Variants in SUN5 observed in about 807,000 individuals in gnomAD.
The protein encoded by SUN5 is Sad1 and UNC84 domain containing 5, also known as SUN domain-containing protein 5.
A neutral mutation model predicts 53.7 loss-of-function variants in SUN5; 44 were observed. That is an observed-to-expected ratio of 0.82 (90% CI 0.64 to 1.05). SUN5 has a LOEUF of 1.05. Ranked by LOEUF, SUN5 falls within the 50% of genes least tolerant of loss-of-function variation. The probability of loss-of-function intolerance (pLI) is 0.00; values close to 1 mark genes in which losing one functional copy is unlikely to be tolerated. For missense variants in SUN5, 433 were observed against 483.8 expected, an observed-to-expected ratio of 0.90 and a Z score of 0.98; for synonymous variants, 166 against 179.8, an observed-to-expected ratio of 0.92 and a Z score of 0.62.
At chr20:32,985,287 C>T in intron 11 of SUN5, 102 bp from the exon 12 acceptor site, 2 of 1,015,250 alleles carry the variant, frequency 2.0e-6, no homozygotes, top group Middle Eastern at 2.1e-4. Flanking sequence ...AGGATGGGAG[C>T]TCACTACCTC....
intron 9 of SUN5, 62 bp from the exon 10 acceptor site, chr20:32,987,837 AC>A (rs1989589545): frequency 1.5e-6 from 2 of 1,356,074 alleles, no homozygotes; most frequent in Non-Finnish European, 2.1e-6. Context: ...AGGGGACGCC[AC>A]TGATGGGCCC....
Position 33,004,368 on chromosome 20 carries a change from G to C in SUN5, c.-28C>G. ...ATTTCCTTCTTTAGGATTGGGGATG[G>C]AGATGGGAACTCTGGGAGCTGGTGA... is the stretch of plus-strand genomic sequence containing the variant. On this transcript the variant is annotated 5_prime_UTR_variant, in exon 1 of 13. Coordinates refer to ENST00000356173, the MANE Select transcript of SUN5 (RefSeq NM_080675.4). 1 of 1,539,318 alleles carries C rather than the reference G, an allele frequency of 6.5e-7. No homozygotes were observed.
At chr20:32,999,804 G>A (rs1168442952) in intron 5 of SUN5, 3 of 1,055,480 alleles carry the variant, frequency 2.8e-6, no homozygotes, top group East Asian at 5.2e-5. Context: ...TGGGGGTGGT[G>A]GCTGGAAAGA....
At chr20:32,984,088 G>A in intron 12 of SUN5, 139 bp from the exon 13 acceptor site, 2 of 1,055,024 alleles carry the variant, frequency 1.9e-6, no homozygotes, top group Non-Finnish European at 2.6e-6. Flanking sequence ...CTGTCCCAAG[G>A]CCTCACAGCA....
At chr20:32,985,681 C>A in intron 11 of SUN5, 55 bp downstream of exon 11, 1 of 1,588,568 alleles carries the variant, frequency 6.3e-7, no homozygotes, top group South Asian at 1.1e-5. Flanking sequence ...TGGAATATCA[C>A]CATTGGAAGG....
chr20:32,987,404 T>C (rs1989572009), intron 10 of SUN5, among the ~76,000 whole-genome samples: 1 of 152,050 alleles, frequency 6.6e-6, no homozygotes, highest in Admixed American at 6.5e-5. Context: ...GTTTCGCTCC[T>C]ACCCTAGCCC....
intron 8 of SUN5, among the ~76,000 whole-genome samples, 166 bp from the exon 9 acceptor site, chr20:32,989,864 G>A (rs923690357): frequency 6.6e-6 from 1 of 152,094 alleles, no homozygotes; most frequent in African/African-American, 2.4e-5. Context: ...GTGACACAAA[G>A]CCATCCTGAC....
chr20:32,988,090 C>T (rs1989597285), intron 9 of SUN5, among the ~76,000 whole-genome samples: 1 of 152,054 alleles, frequency 6.6e-6, no homozygotes, highest in Non-Finnish European at 1.5e-5. Flanking sequence ...ATTAGCAGAG[C>T]CATGGTGGTG....
At position 32,988,903 on chromosome 20, in the gene SUN5, CT is replaced by C. The variant is rs959539689; in HGVS notation, c.613+716del. 4.0e-5 allele frequency among the ~76,000 whole-genome samples: 6 copies of C among 149,520 alleles called. No individual in the cohort carries two copies. The South Asian group carries it at 6.4e-4, about 16-fold the overall frequency. ...CAAGCCCAGCCCTGAAGCACTGATT[CT>C]TTTTTTTATTATTATTATTTTACTT... On this transcript the variant is annotated intron_variant, in intron 9 of 12. Transcript: ENST00000356173.
chr20:32,996,352 T>C lies in SUN5; in HGVS notation c.397A>G (p.Ser133Gly), dbSNP rs975987996. 1 of 1,613,346 alleles carries C rather than the reference T, an allele frequency of 6.2e-7. No homozygotes were observed. The highest frequency in any genetic ancestry group is 8.5e-7 in the Non-Finnish European group (1 of 1,179,482). ...PSKMKVWQDDSINGPLQSLRL... is the reference protein window; with the variant it reads ...PSKMKVWQDDGINGPLQSLRL... ...AAGCTCTGCAGTGGACCATTTATGCTGTCATCCTGGTGGAGTATTGAGAAA... is the reference window on the plus strand; with the variant it reads ...AAGCTCTGCAGTGGACCATTTATGCCGTCATCCTGGTGGAGTATTGAGAAA... The change falls in exon 7 of 13, where the codon AGC (serine) becomes GGC (glycine). Residue 133 changes from serine (S) to glycine (G), a missense_variant. Coordinates refer to ENST00000356173, the MANE Select transcript of SUN5 (RefSeq NM_080675.4).
rs540597982 is a variant in SUN5 at position 32,987,750 on chromosome 20, C to T, written c.639G>A (p.Thr213=). Residue 213 remains threonine, a synonymous_variant, in exon 10 of 13, where the codon ACG becomes ACA. Transcript: ENST00000356173. The stretch of plus-strand genomic sequence containing the variant: ...CCTTCTCATGGTTATAGGTGACTGA[C>T]GTGTGCTCAAAGTCAATGCTGGCCC... ...SIGASIDFEH[T]SVTYNHEKAH... 3.3e-5 allele frequency: 53 copies of T among 1,613,060 alleles called. No individual in the cohort carries two copies. The South Asian group carries it at 4.1e-4, about 12-fold the overall frequency.
chr20:32,993,516 A>C (rs1242149218), intron 8 of SUN5, among the ~76,000 whole-genome samples: 1 of 152,256 alleles, frequency 6.6e-6, no homozygotes, highest in Non-Finnish European at 1.5e-5. Context: ...GAGGAGCCTC[A>C]AATATGGCCA....
intron 8 of SUN5, among the ~76,000 whole-genome samples, chr20:32,995,270 T>C (rs1989815628): frequency 6.6e-6 from 1 of 152,116 alleles, no homozygotes; most frequent in East Asian, 1.9e-4. Context: ...GGATAAAAAA[T>C]AGATCATACT....
At chr20:32,999,352 T>C (rs768374327) in intron 5 of SUN5, among the ~76,000 whole-genome samples, 14 of 152,192 alleles carry the variant, frequency 9.2e-5, no homozygotes, top group Non-Finnish European at 1.6e-4. Flanking sequence ...CCCAGCACTT[T>C]GGGAGGCCAA....
chr20:32,986,742 T>C (rs927356945), intron 10 of SUN5, among the ~76,000 whole-genome samples: 2 of 152,144 alleles, frequency 1.3e-5, no homozygotes, highest in African/African-American at 4.8e-5. Flanking sequence ...GCTGGGCTGC[T>C]TTTCACTACT....
At chr20:32,989,930 A>G (rs1345409117) in intron 8 of SUN5, among the ~76,000 whole-genome samples, 1 of 152,134 alleles carries the variant, frequency 6.6e-6, no homozygotes, top group African/African-American at 2.4e-5. Context: ...TGTCATATGG[A>G]GGTCCCGGAG....
chr20:33,001,391 C>A, intron 3 of SUN5, 113 bp from the exon 4 acceptor site: 1 of 1,238,186 alleles, frequency 8.1e-7, no homozygotes, highest in Non-Finnish European at 1.1e-6. Context: ...GAGACCCTCT[C>A]GACTTGTTGG....
At chr20:32,994,293 A>G (rs1288797997) in intron 8 of SUN5, among the ~76,000 whole-genome samples, 1 of 152,240 alleles carries the variant, frequency 6.6e-6, no homozygotes, top group Non-Finnish European at 1.5e-5. Context: ...TAGTGGAATT[A>G]TAATTATTTG....
chr20:33,004,260 T>C lies in SUN5; in HGVS notation c.77+4A>G. On this transcript the variant is annotated splice_donor_region_variant and intron_variant, in intron 1 of 12. Transcript: ENST00000356173. ...TGGGCAAAGGGAGGGGCTGCCATCC[T>C]CACCTCCGGGGTCTGGGATTGTGGG... 1.9e-6 allele frequency: 3 copies of C among 1,563,122 alleles called. No individual in the cohort carries two copies. The highest frequency in any genetic ancestry group is 2.6e-6 in the Non-Finnish European group (3 of 1,153,256).
Sources: allele counts gnomAD v4.1 joint callset (sites outside exome capture counted in the v4.1 genomes callset), GRCh38; gene constraint gnomAD v4.1.1; transcripts MANE v1.5; gene names NCBI Gene and HGNC (gene_info 2026-07-23, HGNC 2026-07-21).